Variants in RAB27B observed in about 807,000 individuals in gnomAD.
RAB27B encodes the protein ras-related protein Rab-27B.
In RAB27B, 15 loss-of-function variants were observed where a neutral mutation model predicts 24.6. That is an observed-to-expected ratio of 0.61 (90% CI 0.41 to 0.94). The LOEUF (loss-of-function observed/expected upper bound fraction) is 0.94, where lower values mean the gene tolerates loss of function less well. Among genes scored for constraint, RAB27B ranks in the 40% least tolerant of loss-of-function variants. The probability of loss-of-function intolerance (pLI) is 0.00; values close to 1 mark genes in which losing one functional copy is unlikely to be tolerated. For synonymous variants in RAB27B, 105 were observed against 92.5 expected (o/e 1.14, Z -0.78); for missense variants, 261 against 266.8 (o/e 0.98, Z 0.15).
In RAB27B at chr18:54,895,039, A is replaced by G. The variant is rs1457902298; in HGVS notation, c.*5626A>G. The G allele has an allele frequency of 1.3e-5, 2 of 152,048 alleles. No individual in the cohort carries two copies. The highest frequency in any genetic ancestry group is 3.9e-4 in the East Asian group (2 of 5,186). The allele number at this position is 152,048 out of a possible 1,614,324, so 9.4% of individuals were successfully genotyped here. A position where few individuals can be genotyped will look rare whatever the true frequency, so the allele number is the denominator to read the frequency against. ...AGTTGGTCAAAATATTCCATGTACA[A>G]ATAGGGCTTCTGTGTCCATAGCCTT... On this transcript the variant is annotated 3_prime_UTR_variant, in exon 6 of 6. Transcript: ENST00000262094.
intron 2 of RAB27B, among the ~76,000 whole-genome samples, chr18:54,792,228 G>A (rs1353226108): frequency 1.3e-5 from 2 of 152,276 alleles, no homozygotes; most frequent in East Asian, 3.9e-4. Context: ...CCCATAGCCT[G>A]CCTGTCTGTG....
chr18:54,726,082 CTG>C (rs1909528427), intron 2 of RAB27B, among the ~76,000 whole-genome samples: 1 of 151,424 alleles, frequency 6.6e-6, no homozygotes, highest in Admixed American at 6.6e-5. Context: ...ATGAAACAGA[CTG>C]TATTTTTATA....
At chr18:54,808,540 C>T (rs1160321609) in intron 2 of RAB27B, among the ~76,000 whole-genome samples, 1 of 152,150 alleles carries the variant, frequency 6.6e-6, no homozygotes, top group East Asian at 1.9e-4. Flanking sequence ...TTATTATCAG[C>T]CTCCACAAAT....
intron 1 of RAB27B, among the ~76,000 whole-genome samples, chr18:54,859,641 C>T (rs1407499091): frequency 6.6e-6 from 1 of 152,198 alleles, no homozygotes; most frequent in Non-Finnish European, 1.5e-5. Flanking sequence ...CACCAAACAG[C>T]AGGAAAGGTG....
intron 1 of RAB27B, among the ~76,000 whole-genome samples, chr18:54,840,040 A>G (rs180999765): frequency 6.6e-6 from 1 of 152,352 alleles, no homozygotes; most frequent in East Asian, 1.9e-4. Flanking sequence ...TTAATTGGAA[A>G]TAATGAAGCT....
At chr18:54,780,378 C>T (rs1267789644) in intron 2 of RAB27B, among the ~76,000 whole-genome samples, 1 of 90,274 alleles carries the variant, frequency 1.1e-5, no homozygotes, top group Non-Finnish European at 2.4e-5. Flanking sequence ...GTGTCTCCCC[C>T]GTGCTGACTG....
rs1913397174 is a variant in RAB27B at position 54,892,247 on chromosome 18, A to C, written c.*2834A>C. 6.6e-6 allele frequency: 1 copy of C among 152,048 alleles called. No individual in the cohort carries two copies. The highest frequency in any genetic ancestry group is 1.5e-5 in the Non-Finnish European group (1 of 67,974). 9.4% of individuals were successfully genotyped at this position (152,048 alleles called of 1,614,324 possible). On this transcript the variant is annotated 3_prime_UTR_variant, in exon 6 of 6. Coordinates refer to ENST00000262094, the MANE Select transcript of RAB27B (RefSeq NM_004163.4). Reference sequence around the variant, plus strand: ...TAGAAACCATTTCTGGAGTATTTACACTGGTTTGATGTTTACATTGCTCTA... The same window carrying C: ...TAGAAACCATTTCTGGAGTATTTACCCTGGTTTGATGTTTACATTGCTCTA...
intron 2 of RAB27B, among the ~76,000 whole-genome samples, chr18:54,745,880 T>C (rs1431707358): frequency 6.7e-6 from 1 of 148,510 alleles, no homozygotes; most frequent in African/African-American, 2.4e-5. Context: ...AATATAAGTA[T>C]TTATAAATAT....
intron 2 of RAB27B, among the ~76,000 whole-genome samples, chr18:54,757,002 C>A (rs542953274): frequency 1.3e-3 from 197 of 152,246 alleles, no homozygotes; most frequent in African/African-American, 4.6e-3. Context: ...ATGACACCTG[C>A]AATGATCGCT....
At chr18:54,747,606 C>T (rs954601804) in intron 2 of RAB27B, among the ~76,000 whole-genome samples, 1 of 152,162 alleles carries the variant, frequency 6.6e-6, no homozygotes, top group Non-Finnish European at 1.5e-5. Flanking sequence ...CATTTCAGTG[C>T]ACATGTGTTT....
rs964745680 is a variant in RAB27B at position 54,850,343 on chromosome 18, T to C, written c.-20+21643T>C. ...AAAGCAAACAAACAGGATATATATA[T>C]ATATATATATATATATACATACATA... On this transcript the variant is annotated intron_variant, in intron 1 of 5. Coordinates refer to ENST00000262094, the MANE Select transcript of RAB27B (RefSeq NM_004163.4). Among the ~76,000 whole-genome samples, 48 of 134,440 alleles carry C rather than the reference T, an allele frequency of 3.6e-4. 2 individuals are homozygous for C. Among genetic ancestry groups the C allele is most frequent in the Non-Finnish European group, 6.9e-4 (44 of 64,160 alleles). The allele number at this position is 134,440 out of a possible 152,430, so 88.2% of individuals were successfully genotyped here.
At chr18:54,756,734 G>A (rs989334631) in intron 2 of RAB27B, among the ~76,000 whole-genome samples, 8 of 152,118 alleles carry the variant, frequency 5.3e-5, no homozygotes, top group Admixed American at 4.6e-4. Context: ...GAATATGGAT[G>A]AATGGGTAGA....
chr18:54,721,097 A>G (rs779628207), intron 2 of RAB27B, among the ~76,000 whole-genome samples: 171 of 152,254 alleles, frequency 1.1e-3, no homozygotes, highest in Non-Finnish European at 1.9e-3. Flanking sequence ...GTTTTTCTCC[A>G]GAGAAAAGGT....
intron 2 of RAB27B, among the ~76,000 whole-genome samples, chr18:54,722,148 A>C (rs1385257619): frequency 6.6e-6 from 1 of 152,188 alleles, no homozygotes; most frequent in Non-Finnish European, 1.5e-5. Context: ...ACTCCTTCAA[A>C]TACTTCATCC....
At chr18:54,734,841 A>G (rs1038974476) in intron 2 of RAB27B, among the ~76,000 whole-genome samples, 8 of 152,324 alleles carry the variant, frequency 5.3e-5, no homozygotes, top group Middle Eastern at 6.8e-3. Flanking sequence ...AGTGCCCTCT[A>G]TGAAACCTGA....
At chr18:54,791,773 G>A (rs1909254407) in intron 2 of RAB27B, among the ~76,000 whole-genome samples, 1 of 152,220 alleles carries the variant, frequency 6.6e-6, no homozygotes, top group Non-Finnish European at 1.5e-5. Context: ...AGCAGACAAA[G>A]ACACAAGCAG....
At chr18:54,795,823 A>T (rs10469207) in intron 2 of RAB27B, among the ~76,000 whole-genome samples, 2 of 152,240 alleles carry the variant, frequency 1.3e-5, no homozygotes, top group African/African-American at 2.4e-5. Flanking sequence ...CTTAAATATC[A>T]CATTGGAATG....
chr18:54,859,846 T>G (rs1911943771), intron 1 of RAB27B, among the ~76,000 whole-genome samples: 1 of 152,218 alleles, frequency 6.6e-6, no homozygotes, highest in Non-Finnish European at 1.5e-5. Context: ...TAGCCATTGT[T>G]GACATATTGT....
chr18:54,811,793 A>G (rs1364746614), intron 2 of RAB27B, among the ~76,000 whole-genome samples: 8 of 152,182 alleles, frequency 5.3e-5, no homozygotes, highest in Non-Finnish European at 1.0e-4. Context: ...TTGTCTTTGC[A>G]GCTTTCTTAT....
Sources: gnomAD v4.1 joint callset for allele counts (sites outside exome capture counted in the v4.1 genomes callset) on GRCh38, gnomAD v4.1.1 for gene constraint, MANE v1.5 for transcripts, NCBI Gene and HGNC (gene_info 2026-07-23, HGNC 2026-07-21) for gene names.